The following EXOC2 variants were observed in gnomAD, a reference collection of about 807,000 sequenced individuals.
EXOC2 encodes exocyst complex component 2.
Under a neutral mutation model 131.8 loss-of-function variants are expected in EXOC2, and 70 were observed. The ratio of observed to expected loss-of-function variants is 0.53; its 90% CI spans 0.44 to 0.65. EXOC2 has a LOEUF of 0.65. EXOC2 is among the 30% of genes least tolerant of loss of function. The probability of loss-of-function intolerance (pLI) is 0.00; values close to 1 mark genes in which losing one functional copy is unlikely to be tolerated. For synonymous variants in EXOC2, 411 were observed against 398.4 expected (o/e 1.03, Z -0.38); for missense variants, 923 against 1,108.6 (o/e 0.83, Z 2.38).
intron 23 of EXOC2, among the ~76,000 whole-genome samples, chr6:503,750 G>A (rs1007475687): frequency 3.3e-5 from 5 of 152,126 alleles, no homozygotes; most frequent in Admixed American, 1.3e-4. Context: ...CTGGGAAACC[G>A]GTAAGATCTC....
chr6:509,092 T>C (rs1358264715), intron 23 of EXOC2, among the ~76,000 whole-genome samples: 1 of 152,264 alleles, frequency 6.6e-6, no homozygotes, highest in Non-Finnish European at 1.5e-5. Flanking sequence ...AAGTTGTCTG[T>C]GAAGGTCTTT....
chr6:656,794 C>A, intron 1 of EXOC2: 1 of 1,604,254 alleles, frequency 6.2e-7, no homozygotes, highest in Non-Finnish European at 8.5e-7. Context: ...AGCCTGGCCT[C>A]GTGGAGGCCG....
intron 23 of EXOC2, among the ~76,000 whole-genome samples, chr6:514,575 C>T (rs571337303): frequency 1.2e-4 from 18 of 152,310 alleles, no homozygotes; most frequent in African/African-American, 2.9e-4. Flanking sequence ...ATGCTCTGAG[C>T]GCGTGGTTTG....
At chr6:656,013 G>A in intron 1 of EXOC2, 2 of 888,906 alleles carry the variant, frequency 2.2e-6, no homozygotes, top group Non-Finnish European at 3.5e-6. Flanking sequence ...GCATAAGTCA[G>A]TGAAGGTCCA....
At chr6:549,096 C>A in intron 22 of EXOC2, 79 bp downstream of exon 22, 1 of 1,186,844 alleles carries the variant, frequency 8.4e-7, no homozygotes, top group Admixed American at 1.7e-5. Flanking sequence ...GCACTGCTAG[C>A]AGAACACAGG....
At chr6:663,159 T>C (rs988477709) in intron 1 of EXOC2, among the ~76,000 whole-genome samples, 1 of 152,156 alleles carries the variant, frequency 6.6e-6, no homozygotes, top group Non-Finnish European at 1.5e-5. Context: ...TCAAGGCTAA[T>C]ATGAACACCT....
At chr6:636,164 T>C (rs1020063225) in intron 2 of EXOC2, among the ~76,000 whole-genome samples, 1 of 152,224 alleles carries the variant, frequency 6.6e-6, no homozygotes, top group African/African-American at 2.4e-5. Context: ...ACCTAGACTA[T>C]TGTCATGTTT....
Position 644,703 on chromosome 6 carries a change from G to C in EXOC2, c.-43-6842C>G, listed in dbSNP as rs564544250. 3.1e-4 allele frequency among the ~76,000 whole-genome samples: 47 copies of C among 152,096 alleles called. 1 individual carries two copies. Among genetic ancestry groups the C allele is most frequent in the African/African-American group, 1.1e-3 (46 of 41,500 alleles). ...AATCAGTTATTTACATATTTTAGTAGGAAATGATTAGAAAATAAAATTTTT... is the reference window on the plus strand; with the variant it reads ...AATCAGTTATTTACATATTTTAGTACGAAATGATTAGAAAATAAAATTTTT... On this transcript the variant is annotated intron_variant, in intron 1 of 27. Transcript: ENST00000230449.
At chr6:685,306 T>C (rs1265975714) in intron 1 of EXOC2, among the ~76,000 whole-genome samples, 1 of 152,150 alleles carries the variant, frequency 6.6e-6, no homozygotes, top group African/African-American at 2.4e-5. Flanking sequence ...CAGAGCTGCC[T>C]AGTGAGTTTC....
chr6:559,507 C>A (rs537783158), intron 17 of EXOC2, among the ~76,000 whole-genome samples: 6 of 152,150 alleles, frequency 3.9e-5, no homozygotes, highest in Non-Finnish European at 8.8e-5. Context: ...TTGGCTGACT[C>A]CAGACGTGCT....
intron 7 of EXOC2, among the ~76,000 whole-genome samples, chr6:603,782 T>C (rs1760243597): frequency 6.6e-6 from 1 of 152,212 alleles, no homozygotes; most frequent in Non-Finnish European, 1.5e-5. Flanking sequence ...CAATCCTGTT[T>C]GTCCAACTAC....
intron 23 of EXOC2, among the ~76,000 whole-genome samples, chr6:532,265 C>A (rs554096702): frequency 6.6e-6 from 1 of 152,318 alleles, no homozygotes; most frequent in Non-Finnish European, 1.5e-5. Context: ...AATTTAAGAA[C>A]AGCTTTAAGC....
At chr6:544,003 T>G (rs1361151218) in intron 22 of EXOC2, among the ~76,000 whole-genome samples, 1 of 152,130 alleles carries the variant, frequency 6.6e-6, no homozygotes, top group African/African-American at 2.4e-5. Context: ...AACTGCTGAG[T>G]ATGAAGAGGA....
chr6:617,648 T>C, intron 6 of EXOC2, 63 bp downstream of exon 6: 1 of 1,575,646 alleles, frequency 6.3e-7, no homozygotes, highest in South Asian at 1.2e-5. Flanking sequence ...GTAAACACCC[T>C]GCAGGCAGTG....
chr6:627,971 C>G (rs984866802), intron 4 of EXOC2, among the ~76,000 whole-genome samples: 2 of 151,928 alleles, frequency 1.3e-5, no homozygotes, highest in Non-Finnish European at 1.5e-5. Context: ...ACTTTAGTAC[C>G]CTGGAATCTT....
At position 631,383 on chromosome 6, in the gene EXOC2, C is replaced by CA. The variant is rs200986390; in HGVS notation, c.296-1423dup. On this transcript the variant is annotated intron_variant, in intron 3 of 27. Coordinates refer to ENST00000230449, the MANE Select transcript of EXOC2 (RefSeq NM_018303.6). The stretch of plus-strand genomic sequence containing the variant: ...TGAAACCCCATCTCTACTAAAAATA[C>CA]AAAAATTAGCTGGGCATGGTGGCAC... Among the ~76,000 whole-genome samples, 588 of 152,078 alleles carry CA rather than the reference C, an allele frequency of 3.9e-3. 1 individual carries two copies. The highest frequency in any genetic ancestry group is 0.013 in the African/African-American group (557 of 41,502).
intron 23 of EXOC2, among the ~76,000 whole-genome samples, chr6:502,333 A>C (rs1015477066): frequency 6.6e-6 from 1 of 152,184 alleles, no homozygotes; most frequent in Non-Finnish European, 1.5e-5. Context: ...GGATGACTGG[A>C]AATGCGAAGG....
chr6:616,347 T>C (rs1760998581), intron 6 of EXOC2, among the ~76,000 whole-genome samples: 2 of 152,190 alleles, frequency 1.3e-5, no homozygotes, highest in African/African-American at 4.8e-5. Context: ...CTCACGCCTG[T>C]AATCCCAGCA....
chr6:562,560 C>A (rs1404601401), intron 17 of EXOC2, among the ~76,000 whole-genome samples: 2 of 152,200 alleles, frequency 1.3e-5, no homozygotes, highest in Non-Finnish European at 2.9e-5. Context: ...GTAAGTTATA[C>A]AGGATGAAAA....
Sources: gnomAD v4.1 joint callset for allele counts (sites outside exome capture counted in the v4.1 genomes callset) on GRCh38, gnomAD v4.1.1 for gene constraint, MANE v1.5 for transcripts, NCBI Gene and HGNC (gene_info 2026-07-23, HGNC 2026-07-21) for gene names.